Variants in IGF1R observed in about 807,000 individuals in gnomAD.
The protein encoded by IGF1R is insulin like growth factor 1 receptor.
A neutral mutation model predicts 144.6 loss-of-function variants in IGF1R; 44 were observed. The ratio of observed to expected loss-of-function variants is 0.30; its 90% CI spans 0.24 to 0.39. The LOEUF (loss-of-function observed/expected upper bound fraction) is 0.39, where lower values mean the gene tolerates loss of function less well. IGF1R is among the 10% of genes least tolerant of loss of function. IGF1R has a pLI of 1.00. For missense variants in IGF1R, 1,355 were observed against 1,833.7 expected (o/e 0.74, Z 4.77); for synonymous variants, 795 against 722.8 (o/e 1.10, Z -1.60).
At chr15:98,698,227 T>C (rs2053642490) in intron 1 of IGF1R, among the ~76,000 whole-genome samples, 1 of 151,880 alleles carries the variant, frequency 6.6e-6, no homozygotes, top group African/African-American at 2.4e-5. Context: ...TTAGTGGAGA[T>C]GGGGTTTCAC....
In IGF1R at chr15:98,780,564, AAAAAAAAAAAAGAGAG is replaced by A. The variant is rs1210830468; in HGVS notation, c.640+72459_640+72474del. On this transcript the variant is annotated intron_variant, in intron 2 of 20. Transcript: ENST00000650285. ...AACTCTGTCTCAAAAAAAAAAAAAAAAAAAAAAAAAAGAGAGAGAGAGTAAATAAAATTGTAAGGTG... is the reference window on the plus strand; with the variant it reads ...AACTCTGTCTCAAAAAAAAAAAAAAAAGAGAGTAAATAAAATTGTAAGGTG... Among the ~76,000 whole-genome samples the A allele has an allele frequency of 3.7e-4, 11 of 29,754 alleles. 1 individual carries two copies. The highest frequency in any genetic ancestry group is 1.6e-3 in the East Asian group (2 of 1,240). 19.5% of individuals were successfully genotyped at this position (29,754 alleles called of 152,430 possible). A position where few individuals can be genotyped will look rare whatever the true frequency, so the allele number is the denominator to read the frequency against.
intron 2 of IGF1R, among the ~76,000 whole-genome samples, chr15:98,736,778 A>AT (rs1161838010): frequency 1.3e-5 from 2 of 151,646 alleles, no homozygotes; most frequent in African/African-American, 4.8e-5. Flanking sequence ...CACCTGGCTG[A>AT]TTTTTTGTAT....
chr15:98,891,860 G>A lies in IGF1R; in HGVS notation c.953+223G>A, dbSNP rs1270094662. On this transcript the variant is annotated intron_variant, in intron 3 of 20. Transcript: ENST00000650285. This position sits in a 1 kb window ranked among gnomAD's most constrained non-coding sequence, Gnocchi z 4.7. ...CTCACCAGTTTGTTTTATATTTTAA[G>A]TGCATACTGCCTGGCCATTTGAAAT... Among the ~76,000 whole-genome samples the A allele has an allele frequency of 2.6e-5, 4 of 152,192 alleles. No individual in the cohort carries two copies. Among genetic ancestry groups the A allele is most frequent in the Admixed American group, 6.5e-5 (1 of 15,284 alleles).
At chr15:98,804,846 C>CA (rs2056438782) in intron 2 of IGF1R, among the ~76,000 whole-genome samples, 1 of 152,164 alleles carries the variant, frequency 6.6e-6, no homozygotes, top group Non-Finnish European at 1.5e-5. Context: ...AGGCGTGCAC[C>CA]ACCACGCCTG....
In IGF1R at chr15:98,944,537, A is replaced by G. The variant is rs78018745; in HGVS notation, c.3587+1485A>G. Among the ~76,000 whole-genome samples the G allele has an allele frequency of 8.5e-5, 13 of 152,386 alleles. No homozygotes were observed. The East Asian group carries it at 2.5e-3, about 29-fold the overall frequency. ...GTTGGAGCAGGTTTCTCAGCGGTCCAGGCTCTAAACTAAAGCTGTCCCTCT... is the reference window on the plus strand; with the variant it reads ...GTTGGAGCAGGTTTCTCAGCGGTCCGGGCTCTAAACTAAAGCTGTCCCTCT... On this transcript the variant is annotated intron_variant, in intron 19 of 20. Coordinates refer to ENST00000650285, the MANE Select transcript of IGF1R (RefSeq NM_000875.5).
chr15:98,770,076 C>G (rs2055545540), intron 2 of IGF1R, among the ~76,000 whole-genome samples: 1 of 152,210 alleles, frequency 6.6e-6, no homozygotes, highest in South Asian at 2.1e-4. Context: ...GTCTCTTCCC[C>G]TCCTGGCTCT....
intron 2 of IGF1R, among the ~76,000 whole-genome samples, chr15:98,867,936 C>T (rs964564147): frequency 3.3e-5 from 5 of 152,126 alleles, no homozygotes; most frequent in Admixed American, 1.3e-4. Context: ...CGCAGTGGCT[C>T]GTGTCTCCAA....
intron 2 of IGF1R, among the ~76,000 whole-genome samples, chr15:98,792,515 A>T (rs778586333): frequency 3.0e-4 from 46 of 152,322 alleles, no homozygotes; most frequent in South Asian, 1.2e-3. Context: ...AATCAAAACC[A>T]TGAATCTGTG....
chr15:98,820,825 C>A (rs193275675), intron 2 of IGF1R: 1 of 152,256 alleles, frequency 6.6e-6, no homozygotes, highest in East Asian at 1.9e-4. Context: ...CCTCGAAGGC[C>A]TGAGTACGTT....
chr15:98,697,678 G>A (rs1214340150), intron 1 of IGF1R, among the ~76,000 whole-genome samples: 2 of 98,706 alleles, frequency 2.0e-5, no homozygotes, highest in South Asian at 2.9e-4. Flanking sequence ...GTTAAAATGC[G>A]GCAGAACTTT....
intron 1 of IGF1R, among the ~76,000 whole-genome samples, chr15:98,698,825 T>C (rs2053658315): frequency 6.6e-6 from 1 of 152,228 alleles, no homozygotes; most frequent in African/African-American, 2.4e-5. Flanking sequence ...AGAATCACAC[T>C]GCAGGGTAGG....
chr15:98,931,416 A>G (rs1596464929), intron 15 of IGF1R, among the ~76,000 whole-genome samples: 1 of 152,210 alleles, frequency 6.6e-6, no homozygotes, highest in East Asian at 1.9e-4. Flanking sequence ...AATAATGTGA[A>G]AACACCGTTA....
At chr15:98,663,762 T>C (rs528983982) in intron 1 of IGF1R, among the ~76,000 whole-genome samples, 1 of 152,310 alleles carries the variant, frequency 6.6e-6, no homozygotes, top group South Asian at 2.1e-4. Context: ...GAGAGGGCGG[T>C]GGCCCCCGCT....
chr15:98,661,026 A>G (rs1373239341), intron 1 of IGF1R, among the ~76,000 whole-genome samples: 1 of 152,096 alleles, frequency 6.6e-6, no homozygotes, highest in Non-Finnish European at 1.5e-5. Flanking sequence ...TACAGGGTGG[A>G]CCTAGGTCAT....
intron 2 of IGF1R, among the ~76,000 whole-genome samples, chr15:98,855,536 T>A (rs1382950680): frequency 3.3e-5 from 5 of 152,224 alleles, no homozygotes; most frequent in African/African-American, 1.2e-4. Flanking sequence ...AGGGACTTGA[T>A]TAATATTTGT....
chr15:98,694,382 A>G (rs1050275475), intron 1 of IGF1R, among the ~76,000 whole-genome samples: 1 of 152,086 alleles, frequency 6.6e-6, no homozygotes, highest in African/African-American at 2.4e-5. Context: ...TTCAGAGAAG[A>G]TGAGCCATAG....
intron 2 of IGF1R, among the ~76,000 whole-genome samples, chr15:98,854,248 C>G (rs1293973876): frequency 1.3e-5 from 2 of 152,170 alleles, no homozygotes; most frequent in Non-Finnish European, 2.9e-5. Context: ...CAGAAAGACA[C>G]TGTAATAAAG....
intron 2 of IGF1R, among the ~76,000 whole-genome samples, chr15:98,737,293 G>T (rs905298802): frequency 1.3e-5 from 2 of 152,164 alleles, no homozygotes; most frequent in African/African-American, 4.8e-5. Flanking sequence ...TCTCTCTGGG[G>T]CAGCATGTTG....
At chr15:98,694,271 C>T (rs896452291) in intron 1 of IGF1R, among the ~76,000 whole-genome samples, 6 of 152,242 alleles carry the variant, frequency 3.9e-5, no homozygotes, top group South Asian at 2.1e-4. Context: ...AGGGGTGAGG[C>T]GGCTCCTCAA....
Sources: gnomAD v4.1 joint callset for allele counts (sites outside exome capture counted in the v4.1 genomes callset) on GRCh38, gnomAD v4.1.1 for gene constraint, Gnocchi (gnomAD v3.1) non-coding constraint, MANE v1.5 for transcripts, NCBI Gene and HGNC (gene_info 2026-07-23, HGNC 2026-07-21) for gene names.